TNRC6B: variants seen among roughly 807,000 people sequenced by gnomAD.
TNRC6B encodes the protein trinucleotide repeat-containing gene 6B protein.
A neutral mutation model predicts 203.6 loss-of-function variants in TNRC6B; 52 were observed. The ratio of observed to expected loss-of-function variants is 0.26; its 90% CI spans 0.20 to 0.32. The LOEUF (loss-of-function observed/expected upper bound fraction) is 0.32, where lower values mean the gene tolerates loss of function less well. Among genes scored for constraint, TNRC6B ranks in the 10% least tolerant of loss-of-function variants. The pLI, the probability that TNRC6B is intolerant of heterozygous loss-of-function variation, is 1.00. For synonymous variants in TNRC6B, 838 were observed against 845.7 expected, an observed-to-expected ratio of 0.99 and a Z score of 0.16; for missense variants, 1,923 against 2,286.2, an observed-to-expected ratio of 0.84 and a Z score of 3.24.
intron 9 of TNRC6B, among the ~76,000 whole-genome samples, chr22:40,279,542 T>C (rs1203871040): frequency 6.6e-6 from 1 of 152,222 alleles, no homozygotes; most frequent in Non-Finnish European, 1.5e-5. Context: ...TTTGATCTTT[T>C]TATTCCTTGT....
intron 14 of TNRC6B, 23 bp from the exon 15 acceptor site, chr22:40,301,127 T>C: frequency 6.4e-7 from 1 of 1,552,828 alleles, no homozygotes. Context: ...GCTTATCACG[T>C]GTCTGTCTCT....
At chr22:40,168,602 G>A (rs2068942876) in intron 4 of TNRC6B, among the ~76,000 whole-genome samples, 1 of 152,186 alleles carries the variant, frequency 6.6e-6, no homozygotes, top group African/African-American at 2.4e-5. Context: ...TGAATCCAGA[G>A]ATTGTTGGAT....
chr22:40,130,236 A>C (rs1345214298), intron 3 of TNRC6B, among the ~76,000 whole-genome samples: 1 of 152,158 alleles, frequency 6.6e-6, no homozygotes, highest in Non-Finnish European at 1.5e-5. Context: ...CGGGCCTCGT[A>C]CTGCAGTAAT....
rs750932350 is a variant in TNRC6B at position 40,273,444 on chromosome 22, C to T, written c.2985C>T (p.Asp995=). Reference sequence around the variant, plus strand: ...TTAAAGATTCCAAATCTATGCAAGACGGCTGGGGGGAGAGTGACGGGCCAG... The same window carrying T: ...TTAAAGATTCCAAATCTATGCAAGATGGCTGGGGGGAGAGTGACGGGCCAG... ...AMKPNSKSMQ[D]GWGESDGPVT... is the part of the protein sequence containing the mutation. The change falls in exon 7 of 23, where the codon GAC becomes GAT. Residue 995 remains aspartate, a synonymous_variant. Coordinates refer to ENST00000454349, the MANE Select transcript of TNRC6B (RefSeq NM_001162501.2). 8 of 1,608,606 alleles carry T rather than the reference C, an allele frequency of 5.0e-6. No individual in the cohort carries two copies. Among genetic ancestry groups the T allele is most frequent in the African/African-American group, 4.0e-5 (3 of 74,918 alleles).
At position 40,326,357 on chromosome 22, in the gene TNRC6B, G is replaced by T. The variant is rs993846004; in HGVS notation, c.*3116G>T. The T allele has an allele frequency of 6.6e-6, 1 of 152,388 alleles. No homozygotes were observed. Among genetic ancestry groups the T allele is most frequent in the Non-Finnish European group, 1.5e-5 (1 of 67,992 alleles). The allele number at this position is 152,388 out of a possible 1,614,324, so 9.4% of individuals were successfully genotyped here. On this transcript the variant is annotated 3_prime_UTR_variant, in exon 23 of 23. Coordinates refer to ENST00000454349, the MANE Select transcript of TNRC6B (RefSeq NM_001162501.2). Reference sequence around the variant, plus strand: ...TCTCCAAACATTATTGTCATACTGGGGATCACACATTTTAAAACACATAGA... The same window carrying T: ...TCTCCAAACATTATTGTCATACTGGTGATCACACATTTTAAAACACATAGA...
At chr22:40,317,659 G>A (rs1474699731) in intron 21 of TNRC6B, among the ~76,000 whole-genome samples, 1 of 151,472 alleles carries the variant, frequency 6.6e-6, no homozygotes, top group African/African-American at 2.4e-5. Context: ...ACTATAATTT[G>A]CTCTCATCAG....
At chr22:40,101,085 C>T (rs909137924) in intron 1 of TNRC6B, among the ~76,000 whole-genome samples, 3 of 151,956 alleles carry the variant, frequency 2.0e-5, no homozygotes, top group African/African-American at 4.8e-5. Flanking sequence ...ATCCACCTCC[C>T]GGGCTCAAGC....
At position 40,270,243 on chromosome 22, in the gene TNRC6B, G is replaced by A. The variant is rs754202085; in HGVS notation, c.2928G>A (p.Gly976=). 2.4e-5 allele frequency: 36 copies of A among 1,497,424 alleles called. No homozygotes were observed. Among genetic ancestry groups the A allele is most frequent in the Non-Finnish European group, 3.0e-5 (33 of 1,117,140 alleles). 92.8% of individuals were successfully genotyped at this position (1,497,424 alleles called of 1,614,324 possible). The part of the protein sequence containing the change: ...DDTGASTTGW[G]NTPANAPNAM... ...CAGGAGCATCGACCACAGGCTGGGG[G>A]AACACGCCCGCCAACGCTCCCAATG... The change falls in exon 6 of 23, where the codon GGG becomes GGA. Residue 976 remains glycine (G), a synonymous_variant. Coordinates refer to ENST00000454349, the MANE Select transcript of TNRC6B (RefSeq NM_001162501.2).
intron 1 of TNRC6B, among the ~76,000 whole-genome samples, chr22:40,100,111 G>C (rs1376455004): frequency 1.4e-5 from 2 of 142,584 alleles, no homozygotes; most frequent in African/African-American, 5.2e-5. Context: ...TATTTATGGA[G>C]ACAGGGTCTC....
chr22:40,179,810 C>T (rs572426374), intron 1 of TNRC6B, among the ~76,000 whole-genome samples: 1 of 152,266 alleles, frequency 6.6e-6, no homozygotes, highest in South Asian at 2.1e-4. Context: ...TGAAAATGGC[C>T]TGTTTCTTTG....
intron 4 of TNRC6B, chr22:40,156,274 A>G: frequency 7.7e-7 from 1 of 1,305,304 alleles, no homozygotes; most frequent in East Asian, 2.5e-5. Context: ...TCAGAGATGT[A>G]TACGTTGGAG....
chr22:40,261,406 G>A (rs1399122723), intron 3 of TNRC6B, among the ~76,000 whole-genome samples: 1 of 152,054 alleles, frequency 6.6e-6, no homozygotes, highest in African/African-American at 2.4e-5. Flanking sequence ...GTGAAAACCT[G>A]TCTGTACTAA....
intron 1 of TNRC6B, among the ~76,000 whole-genome samples, chr22:40,095,883 C>T (rs1285868136): frequency 6.6e-6 from 1 of 152,004 alleles, no homozygotes; most frequent in African/African-American, 2.4e-5. Flanking sequence ...ACAAGTACCA[C>T]AACCTGTAAC....
chr22:40,292,142 C>T (rs1003757616), intron 12 of TNRC6B, among the ~76,000 whole-genome samples: 3 of 151,316 alleles, frequency 2.0e-5, no homozygotes, highest in Non-Finnish European at 4.4e-5. Context: ...TGCAGTGAGC[C>T]GAGATCGTGC....
At chr22:40,134,879 A>G (rs1452298133) in intron 3 of TNRC6B, among the ~76,000 whole-genome samples, 1 of 151,994 alleles carries the variant, frequency 6.6e-6, no homozygotes, top group African/African-American at 2.4e-5. Context: ...TATTTTTAAG[A>G]CTCCATTACC....
At chr22:40,165,490 C>G (rs2068911530) in intron 4 of TNRC6B, among the ~76,000 whole-genome samples, 1 of 152,122 alleles carries the variant, frequency 6.6e-6, no homozygotes, top group Non-Finnish European at 1.5e-5. Flanking sequence ...ACTTTAGATT[C>G]AGTCCTTTCT....
intron 1 of TNRC6B, among the ~76,000 whole-genome samples, chr22:40,206,489 A>G (rs2069479665): frequency 6.6e-6 from 1 of 152,242 alleles, no homozygotes; most frequent in African/African-American, 2.4e-5. Flanking sequence ...AGAAGGCTCA[A>G]TTATTTTTAA....
At chr22:40,141,204 CTT>C (rs757105010) in intron 3 of TNRC6B, among the ~76,000 whole-genome samples, 20 of 75,694 alleles carry the variant, frequency 2.6e-4, no homozygotes, top group African/African-American at 1.1e-3. Context: ...AAATTCTGTC[CTT>C]TTTTTTTTTT....
chr22:40,251,259 T>A, intron 3 of TNRC6B, 59 bp downstream of exon 3: 1 of 1,346,896 alleles, frequency 7.4e-7, no homozygotes, highest in Non-Finnish European at 1.0e-6. Flanking sequence ...GCTTTTACAC[T>A]GTTGCTGACT....
Sources: gnomAD v4.1 joint callset for allele counts (sites outside exome capture counted in the v4.1 genomes callset) on GRCh38, gnomAD v4.1.1 for gene constraint, MANE v1.5 for transcripts, NCBI Gene and HGNC (gene_info 2026-07-23, HGNC 2026-07-21) for gene names.